The following MSRA variants were observed in gnomAD, a reference collection of about 807,000 sequenced individuals.
MSRA encodes methionine sulfoxide reductase A.
In MSRA, 54 loss-of-function variants were observed where a neutral mutation model predicts 31.3. The observed-to-expected ratio is 1.73, with a 90% CI of 1.39 to 2.17. The LOEUF (loss-of-function observed/expected upper bound fraction) is 2.17, where lower values mean the gene tolerates loss of function less well. Among genes scored for constraint, MSRA ranks in the 30% most tolerant of loss-of-function variants. The pLI, the probability that MSRA is intolerant of heterozygous loss-of-function variation, is 0.00. For missense variants in MSRA, 507 were observed against 300.9 expected (o/e 1.69, Z -5.07); for synonymous variants, 169 against 116.5 (o/e 1.45, Z -2.90).
At chr8:10,228,792 G>A (rs1811216911) in intron 2 of MSRA, among the ~76,000 whole-genome samples, 1 of 152,146 alleles carries the variant, frequency 6.6e-6, no homozygotes, top group Non-Finnish European at 1.5e-5. Flanking sequence ...TCCTTGTAGG[G>A]TTATCACCGG....
At chr8:10,184,005 G>A (rs1219466279) in intron 1 of MSRA, among the ~76,000 whole-genome samples, 1 of 84,330 alleles carries the variant, frequency 1.2e-5, no homozygotes, top group Non-Finnish European at 2.6e-5. Context: ...TGGCTACTAG[G>A]TGGTGGTGGT....
intron 5 of MSRA, among the ~76,000 whole-genome samples, chr8:10,328,626 G>C (rs1167890862): frequency 1.3e-5 from 2 of 152,062 alleles, no homozygotes; most frequent in Non-Finnish European, 2.9e-5. Flanking sequence ...GAACTCCTTC[G>C]CATGGTCTAC....
intron 3 of MSRA, among the ~76,000 whole-genome samples, chr8:10,271,921 T>C (rs187985216): frequency 1.1e-4 from 17 of 152,308 alleles, no homozygotes; most frequent in African/African-American, 3.6e-4. Flanking sequence ...TTGGTCAGGC[T>C]GGTCTCGAAC....
At chr8:10,353,706 G>A (rs947646124) in intron 5 of MSRA, 6 of 454,340 alleles carry the variant, frequency 1.3e-5, no homozygotes, top group Non-Finnish European at 2.2e-5. Flanking sequence ...GTCTGTCCCT[G>A]TACCTGCCCA....
chr8:10,080,775 G>A lies in MSRA; in HGVS notation c.142+26117G>A, dbSNP rs187373241. 3.9e-3 allele frequency among the ~76,000 whole-genome samples: 596 copies of A among 151,670 alleles called. 4 individuals are homozygous for A. Among genetic ancestry groups the A allele is most frequent in the Non-Finnish European group, 5.4e-3 (366 of 67,974 alleles). On this transcript the variant is annotated intron_variant, in intron 1 of 5. Coordinates refer to ENST00000317173, the MANE Select transcript of MSRA (RefSeq NM_012331.5). ...GCTAGTCTTGAGTTCCTGGGCTCAA[G>A]CGATCCTCCTGCCTCGGCCTCCCAA...
intron 2 of MSRA, among the ~76,000 whole-genome samples, 154 bp downstream of exon 2, chr8:10,208,055 A>G (rs1350392313): frequency 1.3e-5 from 2 of 152,152 alleles, no homozygotes; most frequent in Non-Finnish European, 2.9e-5. Context: ...GTTCCTAGTA[A>G]TTTCTGGGGT....
chr8:10,079,565 A>T (rs1798176855), intron 1 of MSRA, among the ~76,000 whole-genome samples: 1 of 152,178 alleles, frequency 6.6e-6, no homozygotes, highest in Non-Finnish European at 1.5e-5. Flanking sequence ...TAGCTCCCTT[A>T]TTAAAACTGA....
intron 1 of MSRA, among the ~76,000 whole-genome samples, chr8:10,158,967 C>G (rs1038699141): frequency 2.6e-5 from 4 of 152,122 alleles, no homozygotes; most frequent in African/African-American, 9.7e-5. Flanking sequence ...TTGTATTTCA[C>G]CAATAGCCAT....
Position 10,428,151 on chromosome 8 carries a change from CT to C in MSRA, c.550del (p.Ser184GlnfsTer29), listed in dbSNP as rs1809303127. 2.5e-6 allele frequency: 4 copies of C among 1,611,984 alleles called. No homozygotes were observed. The highest frequency in any genetic ancestry group is 3.4e-6 in the Non-Finnish European group (4 of 1,179,522). On this transcript the variant is annotated frameshift_variant, in exon 6 of 6. Transcript: ENST00000317173. LOFTEE classifies it high-confidence loss of function. ...LSSKENYQKV[L>X]SEHGFGPITT... is the part of the protein sequence containing the mutation. ...GCGCCTTTCTGTGTCCCCACAGGTT[CT>C]TTCAGAGCACGGCTTCGGCCCCATC... is the stretch of plus-strand genomic sequence containing the variant.
chr8:10,251,724 A>G (rs781718450), intron 3 of MSRA, among the ~76,000 whole-genome samples: 23 of 152,306 alleles, frequency 1.5e-4, no homozygotes, highest in Admixed American at 3.3e-4. Flanking sequence ...AGATTAGTTC[A>G]GTGAATGGAC....
intron 1 of MSRA, among the ~76,000 whole-genome samples, chr8:10,138,169 G>A (rs150178574): frequency 9.4e-4 from 143 of 152,280 alleles, no homozygotes; most frequent in African/African-American, 3.2e-3. Context: ...TGAGAGAGGC[G>A]TGACTGGGAT....
In MSRA at chr8:10,367,729, G is replaced by C. The variant is rs192793577; in HGVS notation, c.543+47740G>C. On this transcript the variant is annotated intron_variant, in intron 5 of 5. Transcript: ENST00000317173. ...GCGGGCATCCCATTGCTCTGTCTCC[G>C]GCGCTGGCTGGACCCCACTGGTGTG... 9.2e-5 allele frequency among the ~76,000 whole-genome samples: 14 copies of C among 152,312 alleles called. No individual in the cohort carries two copies. The East Asian group carries it at 1.4e-3, about 15-fold the overall frequency.
intron 5 of MSRA, among the ~76,000 whole-genome samples, chr8:10,347,261 A>G (rs971637896): frequency 6.6e-6 from 1 of 152,188 alleles, no homozygotes. Flanking sequence ...ATTGATGAAT[A>G]CCAAATACAG....
At chr8:10,259,240 T>C (rs762074223) in intron 3 of MSRA, among the ~76,000 whole-genome samples, 4 of 152,204 alleles carry the variant, frequency 2.6e-5, no homozygotes, top group Non-Finnish European at 5.9e-5. Context: ...TGAGGGAATT[T>C]TAAACTCTAG....
chr8:10,337,470 C>A lies in MSRA; in HGVS notation c.543+17481C>A, dbSNP rs186028350. 106 of 488,906 alleles carry A rather than the reference C, an allele frequency of 2.2e-4. 1 individual carries two copies. Among genetic ancestry groups the A allele is most frequent in the Admixed American group, 1.3e-3 (34 of 27,014 alleles). 30.3% of individuals were successfully genotyped at this position (488,906 alleles called of 1,614,324 possible). On this transcript the variant is annotated intron_variant, in intron 5 of 5. Transcript: ENST00000317173. ...CTGGGATTACAGGCGTGAGCCACCA[C>A]GCCCGGCCAAGCCTATGTCGCTTTT...
intron 1 of MSRA, chr8:10,058,863 C>G (rs572702256): frequency 1.3e-5 from 2 of 152,030 alleles, no homozygotes; most frequent in Admixed American, 6.5e-5. Context: ...GTGATCTAGT[C>G]GTTGATTTAT....
chr8:10,224,129 C>T (rs1810772650), intron 2 of MSRA, among the ~76,000 whole-genome samples: 1 of 152,196 alleles, frequency 6.6e-6, no homozygotes, highest in Admixed American at 6.5e-5. Context: ...GTGATGCGCA[C>T]ATCATAGCTA....
intron 5 of MSRA, among the ~76,000 whole-genome samples, chr8:10,405,977 G>A (rs1210674663): frequency 6.6e-6 from 1 of 152,284 alleles, no homozygotes; most frequent in African/African-American, 2.4e-5. Flanking sequence ...GGGCAGAGGA[G>A]ACTGAGACTG....
chr8:10,083,902 C>G (rs1452483897), intron 1 of MSRA, among the ~76,000 whole-genome samples: 1 of 152,120 alleles, frequency 6.6e-6, no homozygotes, highest in East Asian at 1.9e-4. Context: ...GATCCCAGTC[C>G]TAAGTGAGTA....
Sources: allele counts gnomAD v4.1 joint callset (sites outside exome capture counted in the v4.1 genomes callset), GRCh38; gene constraint gnomAD v4.1.1; transcripts MANE v1.5; gene names NCBI Gene and HGNC (gene_info 2026-07-23, HGNC 2026-07-21).